PELI2: variants seen among roughly 807,000 people sequenced by gnomAD.
PELI2 encodes the protein E3 ubiquitin-protein ligase pellino homolog 2.
A neutral mutation model predicts 42.3 loss-of-function variants in PELI2; 23 were observed. That is an observed-to-expected ratio of 0.54 (90% CI 0.39 to 0.77). The LOEUF (loss-of-function observed/expected upper bound fraction) is 0.77, where lower values mean the gene tolerates loss of function less well. Ranked by LOEUF, PELI2 falls within the 30% of genes least tolerant of loss-of-function variation. PELI2 has a pLI of 0.00. For missense variants in PELI2, 463 were observed against 553.2 expected (o/e 0.84, Z 1.64); for synonymous variants, 245 against 212.2 (o/e 1.15, Z -1.34).
At chr14:56,157,504 A>C (rs185482395) in intron 1 of PELI2, among the ~76,000 whole-genome samples, 1 of 152,302 alleles carries the variant, frequency 6.6e-6, no homozygotes, top group East Asian at 1.9e-4. Flanking sequence ...GCTCATTAAA[A>C]AGTGTTTATA....
intron 2 of PELI2, among the ~76,000 whole-genome samples, chr14:56,198,010 A>ACACCCC (rs1555346657): frequency 0.018 from 2,053 of 114,668 alleles, 64 homozygotes; most frequent in East Asian, 0.059. Flanking sequence ...ACACACACAC[A>ACACCCC]CACCCACCTC....
rs1470421347 is a variant in PELI2, at chr14:56,118,667, TC to T, written c.11del (p.Pro4LeufsTer14). The T allele has an allele frequency of 3.4e-6, 5 of 1,458,406 alleles. No homozygotes were observed. The highest frequency in any genetic ancestry group is 4.5e-6 in the Non-Finnish European group (5 of 1,100,084). The allele number at this position is 1,458,406 out of a possible 1,614,324, so 90.3% of individuals were successfully genotyped here. A position where few individuals can be genotyped will look rare whatever the true frequency, so the allele number is the denominator to read the frequency against. On this transcript the variant is annotated frameshift_variant, in exon 1 of 6. Coordinates refer to ENST00000267460, the MANE Select transcript of PELI2 (RefSeq NM_021255.3). LOFTEE classifies it high-confidence loss of function. ...GGCGGCCGAGCGGGGCTCCATGTTT[TC>T]CCCTGGCCAGGAGGAACACTGCGCC... Reference protein sequence around the residue: MFSPGQEEHCAPN... With the variant: MFXPGQEEHCAPN...
chr14:56,273,654 A>T lies in PELI2; in HGVS notation c.208-6022A>T, dbSNP rs1594704580. ...GCTTTGACTCCCTATTGGATTAATT[A>T]TGAAGGTAATAATGCTAACTGTATG... On this transcript the variant is annotated intron_variant, in intron 2 of 5. Coordinates refer to ENST00000267460, the MANE Select transcript of PELI2 (RefSeq NM_021255.3). This position sits in a 1 kb window ranked among gnomAD's most constrained non-coding sequence, Gnocchi z 4.3. Among the ~76,000 whole-genome samples, 1 of 152,202 alleles carries T rather than the reference A, an allele frequency of 6.6e-6. No individual in the cohort carries two copies. Among genetic ancestry groups the T allele is most frequent in the Non-Finnish European group, 1.5e-5 (1 of 68,026 alleles).
intron 2 of PELI2, among the ~76,000 whole-genome samples, chr14:56,268,993 G>T (rs2139850333): frequency 6.6e-6 from 1 of 152,308 alleles, no homozygotes; most frequent in African/African-American, 2.4e-5. Flanking sequence ...TGAAAGTCCT[G>T]ATTGGTTTTC....
chr14:56,161,750 A>C (rs559097367), intron 1 of PELI2, among the ~76,000 whole-genome samples: 1 of 152,210 alleles, frequency 6.6e-6, no homozygotes, highest in South Asian at 2.1e-4. Context: ...TTTCAGTTAT[A>C]TCTTAAGCAG....
chr14:56,209,568 G>A (rs1886642315), intron 2 of PELI2, among the ~76,000 whole-genome samples: 1 of 151,842 alleles, frequency 6.6e-6, no homozygotes, highest in Non-Finnish European at 1.5e-5. Flanking sequence ...TATGTATTGT[G>A]GTTACTATTG....
intron 2 of PELI2, among the ~76,000 whole-genome samples, chr14:56,236,013 T>G (rs1359577932): frequency 6.6e-6 from 1 of 152,216 alleles, no homozygotes; most frequent in Non-Finnish European, 1.5e-5. Context: ...TCTCTTTTGG[T>G]CCTAGTGGGA....
chr14:56,151,256 C>T (rs1884340480), intron 1 of PELI2, among the ~76,000 whole-genome samples: 1 of 152,198 alleles, frequency 6.6e-6, no homozygotes, highest in South Asian at 2.1e-4. Context: ...CCTCGGCCCC[C>T]ATTTACCTGG....
chr14:56,198,650 C>T (rs1162939624), intron 2 of PELI2, among the ~76,000 whole-genome samples: 2 of 152,152 alleles, frequency 1.3e-5, no homozygotes, highest in Admixed American at 6.5e-5. Context: ...CCACATGTGA[C>T]AGCTCTTTGG....
intron 4 of PELI2, among the ~76,000 whole-genome samples, chr14:56,289,307 T>TC (rs1286671830): frequency 1.3e-5 from 2 of 152,188 alleles, no homozygotes; most frequent in African/African-American, 4.8e-5. Context: ...GTTCTCTCTG[T>TC]CTTGCCTTCT....
chr14:56,268,491 T>A (rs1888985092), intron 2 of PELI2, among the ~76,000 whole-genome samples: 1 of 152,214 alleles, frequency 6.6e-6, no homozygotes, highest in African/African-American at 2.4e-5. Context: ...TCTCTCTTAG[T>A]CTTAATATGT....
At chr14:56,123,075 G>A (rs905949031) in intron 1 of PELI2, among the ~76,000 whole-genome samples, 9 of 152,192 alleles carry the variant, frequency 5.9e-5, no homozygotes, top group Admixed American at 2.6e-4. Flanking sequence ...AAATTGATAA[G>A]CTCTACAAAA....
chr14:56,260,464 G>A (rs242579), intron 2 of PELI2, among the ~76,000 whole-genome samples: 138,023 of 152,142 alleles, frequency 0.91, 62,895 homozygotes, highest in Middle Eastern at 0.95. Context: ...GGTTCCTGGG[G>A]GAGGCAGGCA....
intron 2 of PELI2, among the ~76,000 whole-genome samples, chr14:56,184,880 A>G (rs1032911356): frequency 1.3e-5 from 2 of 152,124 alleles, no homozygotes. Flanking sequence ...ACATCAAATA[A>G]AAAGATCATA....
At chr14:56,202,788 C>CTAATA (rs1435740672) in intron 2 of PELI2, among the ~76,000 whole-genome samples, 1 of 152,124 alleles carries the variant, frequency 6.6e-6, no homozygotes, top group East Asian at 1.9e-4. Context: ...CATCTTTAAC[C>CTAATA]AGAATCTGAT....
intron 1 of PELI2, among the ~76,000 whole-genome samples, chr14:56,137,568 G>A (rs985981794): frequency 6.6e-6 from 1 of 152,230 alleles, no homozygotes; most frequent in East Asian, 1.9e-4. Flanking sequence ...ATATAGAAAG[G>A]AGCAATGTAG....
In PELI2 at chr14:56,213,992, C is replaced by T. The variant is rs116467926; in HGVS notation, c.207+35528C>T. 6.5e-3 allele frequency among the ~76,000 whole-genome samples: 988 copies of T among 152,230 alleles called. 11 individuals carry two copies. The highest frequency in any genetic ancestry group is 0.023 in the African/African-American group (950 of 41,522). Reference sequence around the variant, plus strand: ...TCAGCCTCTCAAGTAGCTGGAACTACAGGCATGCGACACTATGCCCAACTA... The same window carrying T: ...TCAGCCTCTCAAGTAGCTGGAACTATAGGCATGCGACACTATGCCCAACTA... On this transcript the variant is annotated intron_variant, in intron 2 of 5. Coordinates refer to ENST00000267460, the MANE Select transcript of PELI2 (RefSeq NM_021255.3).
chr14:56,236,807 C>G (rs566568693), intron 2 of PELI2, among the ~76,000 whole-genome samples: 24 of 152,284 alleles, frequency 1.6e-4, no homozygotes, highest in African/African-American at 5.1e-4. Context: ...TGGCCACAAA[C>G]TTTTAGAAGT....
At chr14:56,163,685 A>G (rs1463044131) in intron 1 of PELI2, among the ~76,000 whole-genome samples, 1 of 151,864 alleles carries the variant, frequency 6.6e-6, no homozygotes, top group Non-Finnish European at 1.5e-5. Flanking sequence ...TTTGAATAAT[A>G]TTTATTTTTC....
Sources: allele counts gnomAD v4.1 joint callset (sites outside exome capture counted in the v4.1 genomes callset), GRCh38; gene constraint gnomAD v4.1.1; non-coding constraint Gnocchi (gnomAD v3.1); transcripts MANE v1.5; gene names NCBI Gene and HGNC (gene_info 2026-07-23, HGNC 2026-07-21).